Variants in CFTR observed in about 807,000 individuals in gnomAD.
CFTR encodes the protein CF transmembrane conductance regulator, also known as cystic fibrosis transmembrane conductance regulator.
Under a neutral mutation model 171.6 loss-of-function variants are expected in CFTR, and 181 were observed. The ratio of observed to expected loss-of-function variants is 1.05; its 90% CI spans 0.93 to 1.19. The LOEUF is 1.19. Ranked by LOEUF, CFTR falls within the 50% of genes most tolerant of loss-of-function variation. The pLI is 0.00. For synonymous variants in CFTR, 583 were observed against 608.0 expected, an observed-to-expected ratio of 0.96 and a Z score of 0.60; for missense variants, 1,968 against 1,734.7, an observed-to-expected ratio of 1.13 and a Z score of -2.39.
chr7:117,536,321 C>T (rs1798954668), intron 6 of CFTR, among the ~76,000 whole-genome samples: 1 of 152,100 alleles, frequency 6.6e-6, no homozygotes, highest in Admixed American at 6.5e-5. Flanking sequence ...CATAGGCTGT[C>T]ATAAGGGATA....
At chr7:117,489,657 C>A (rs1217279473) in intron 1 of CFTR, among the ~76,000 whole-genome samples, 1 of 151,678 alleles carries the variant, frequency 6.6e-6, no homozygotes, top group South Asian at 2.1e-4. Flanking sequence ...CAGAGATAAC[C>A]AATAACAGAT....
chr7:117,617,329 C>T (rs561240503), intron 21 of CFTR, among the ~76,000 whole-genome samples: 2 of 151,304 alleles, frequency 1.3e-5, no homozygotes, highest in East Asian at 3.9e-4. Context: ...AAGTGCCTAG[C>T]TTTCTTTAGC....
At chr7:117,496,062 A>T (rs1798234105) in intron 1 of CFTR, among the ~76,000 whole-genome samples, 1 of 152,178 alleles carries the variant, frequency 6.6e-6, no homozygotes, top group South Asian at 2.1e-4. Context: ...AGACAACTAC[A>T]AATGTACTTT....
At chr7:117,593,392 A>G (rs1584813131) in intron 14 of CFTR, among the ~76,000 whole-genome samples, 1 of 152,182 alleles carries the variant, frequency 6.6e-6, no homozygotes, top group African/African-American at 2.4e-5. Flanking sequence ...GGTTGTAATG[A>G]ATTGATATGT....
At chr7:117,528,096 G>A (rs1487875665) in intron 3 of CFTR, among the ~76,000 whole-genome samples, 43 of 127,124 alleles carry the variant, frequency 3.4e-4, no homozygotes, top group Admixed American at 8.6e-4. Context: ...GAGGCATCAC[G>A]CTACCTGACT....
intron 3 of CFTR, among the ~76,000 whole-genome samples, chr7:117,522,098 C>T (rs1798693810): frequency 1.3e-5 from 2 of 152,164 alleles, no homozygotes; most frequent in Non-Finnish European, 2.9e-5. Context: ...AATTGAGTCA[C>T]AAAATTGTTC....
At chr7:117,542,161 T>C in intron 9 of CFTR, 53 bp downstream of exon 9, 1 of 858,138 alleles carries the variant, frequency 1.2e-6, no homozygotes, top group Non-Finnish European at 2.0e-6. Context: ...TTTTCTTCTT[T>C]GTGAATATGG....
chr7:117,513,920 A>G (rs1798560504), intron 3 of CFTR, among the ~76,000 whole-genome samples: 1 of 152,160 alleles, frequency 6.6e-6, no homozygotes, highest in African/African-American at 2.4e-5. Flanking sequence ...TGCCTACTGC[A>G]TTGTACATCT....
At chr7:117,646,246 T>G (rs900539321) in intron 23 of CFTR, among the ~76,000 whole-genome samples, 3 of 152,214 alleles carry the variant, frequency 2.0e-5, no homozygotes, top group Non-Finnish European at 4.4e-5. Context: ...CTGTGGTGGT[T>G]GTTATTATTT....
chr7:117,606,632 A>C lies in CFTR; in HGVS notation c.2909-42A>C. The C allele has an allele frequency of 2.8e-6, 3 of 1,065,540 alleles. No individual in the cohort carries two copies. In the South Asian group the frequency reaches 3.8e-5, roughly 13 times the overall value. The allele number at this position is 1,065,540 out of a possible 1,614,324, so 66.0% of individuals were successfully genotyped here. On this transcript the variant is annotated intron_variant, in intron 17 of 26. Transcript: ENST00000003084. The stretch of plus-strand genomic sequence containing the variant: ...TGAATATATTGATATATCTTTAAAA[A>C]ATTAGTGTTTTTTGAGGAATTTGTC...
intron 24 of CFTR, among the ~76,000 whole-genome samples, chr7:117,655,658 G>T (rs1473511232): frequency 6.6e-6 from 1 of 152,134 alleles, no homozygotes; most frequent in African/African-American, 2.4e-5. Flanking sequence ...TTCCAAAGCT[G>T]CTTCCACATT....
At chr7:117,609,752 A>G (rs1405892047) in intron 18 of CFTR, among the ~76,000 whole-genome samples, 1 of 152,188 alleles carries the variant, frequency 6.6e-6, no homozygotes, top group East Asian at 1.9e-4. Flanking sequence ...TCACCTTCAT[A>G]CTAAAATTAT....
chr7:117,569,513 C>A (rs2115968652), intron 11 of CFTR, among the ~76,000 whole-genome samples: 1 of 152,138 alleles, frequency 6.6e-6, no homozygotes, highest in Admixed American at 6.5e-5. Context: ...ATATTCAAAG[C>A]ATTCAACATA....
intron 11 of CFTR, among the ~76,000 whole-genome samples, chr7:117,572,470 T>G (rs1398826824): frequency 1.3e-5 from 2 of 152,224 alleles, no homozygotes; most frequent in Non-Finnish European, 2.9e-5. Flanking sequence ...TCTGAATTAT[T>G]TAGTATCTAT....
chr7:117,584,861 G>A (rs575604828), intron 11 of CFTR, among the ~76,000 whole-genome samples: 3 of 151,316 alleles, frequency 2.0e-5, no homozygotes, highest in African/African-American at 7.3e-5. Flanking sequence ...GCATTTTGTA[G>A]TTTTCCTTGT....
chr7:117,631,353 T>A (rs1584831922), intron 22 of CFTR, among the ~76,000 whole-genome samples: 1 of 152,288 alleles, frequency 6.6e-6, no homozygotes, highest in Non-Finnish European at 1.5e-5. Context: ...CATCCTTTGT[T>A]ATTCATATCA....
chr7:117,504,250 T>C lies in CFTR; in HGVS notation c.54-3T>C, dbSNP rs1209217815. 1 of 1,562,116 alleles carries C rather than the reference T, an allele frequency of 6.4e-7. No individual in the cohort carries two copies. Among genetic ancestry groups the C allele is most frequent in the Non-Finnish European group, 8.8e-7 (1 of 1,132,738 alleles). On this transcript the variant is annotated splice_region_variant and splice_polypyrimidine_tract_variant and intron_variant, in intron 1 of 26. Transcript: ENST00000003084. ...ATATCTGTTCCTCCTCTCTTTATTT[T>C]AGCTGGACCAGACCAATTTTGAGGA... is the stretch of plus-strand genomic sequence containing the variant.
intron 11 of CFTR, among the ~76,000 whole-genome samples, chr7:117,565,630 G>T (rs1562900403): frequency 6.6e-6 from 1 of 152,134 alleles, no homozygotes; most frequent in Non-Finnish European, 1.5e-5. Flanking sequence ...TTGGAACCAC[G>T]TAATGGTCTT....
chr7:117,517,129 G>T (rs1250434496), intron 3 of CFTR, among the ~76,000 whole-genome samples: 1 of 151,816 alleles, frequency 6.6e-6, no homozygotes, highest in East Asian at 1.9e-4. Context: ...AATCTAGATG[G>T]CGATTGCAAT....
Sources: allele counts gnomAD v4.1 joint callset (sites outside exome capture counted in the v4.1 genomes callset), GRCh38; gene constraint gnomAD v4.1.1; transcripts MANE v1.5; gene names NCBI Gene and HGNC (gene_info 2026-07-23, HGNC 2026-07-21).